The following NDUFAF5 variants were observed in gnomAD, a reference collection of about 807,000 sequenced individuals.
NDUFAF5 encodes NADH:ubiquinone oxidoreductase complex assembly factor 5.
In NDUFAF5, 34 loss-of-function variants were observed where a neutral mutation model predicts 48.9. That is an observed-to-expected ratio of 0.70 (90% confidence interval 0.53 to 0.93). The LOEUF (loss-of-function observed/expected upper bound fraction) is 0.93. Among genes scored for constraint, NDUFAF5 ranks in the 40% least tolerant of loss-of-function variants. The pLI is 0.00. For synonymous variants in NDUFAF5, 153 were observed against 150.6 expected (o/e 1.02, Z -0.12); for missense variants, 428 against 427.5 (o/e 1.00, Z -0.01).
At chr20:13,816,839 C>A (rs151070257) in intron 9 of NDUFAF5, 36 bp from the exon 10 acceptor site, 2 of 1,465,826 alleles carry the variant, frequency 1.4e-6, no homozygotes, top group Non-Finnish European at 1.9e-6. Context: ...TTCCTACTTG[C>A]ATTTTTTCAG....
chr20:13,793,347 T>C (rs1252247332), intron 4 of NDUFAF5, 120 bp downstream of exon 4: 3 of 893,562 alleles, frequency 3.4e-6, no homozygotes, highest in East Asian at 5.2e-5. Context: ...AAGGAACTCA[T>C]ACAGGAAATA....
chr20:13,811,770 T>TG (rs1661776608), intron 8 of NDUFAF5, among the ~76,000 whole-genome samples: 1 of 152,184 alleles, frequency 6.6e-6, no homozygotes, highest in African/African-American at 2.4e-5. Flanking sequence ...AGCTTCAACT[T>TG]GCGTCCTTTG....
intron 8 of NDUFAF5, 25 bp from the exon 9 acceptor site, chr20:13,816,438 C>T: frequency 6.4e-7 from 1 of 1,568,984 alleles, no homozygotes; most frequent in Non-Finnish European, 8.8e-7. Flanking sequence ...TGTATTATCT[C>T]AAACTACCTG....
chr20:13,785,458 T>C (rs1186602995), intron 1 of NDUFAF5, among the ~76,000 whole-genome samples, 168 bp downstream of exon 1: 1 of 152,220 alleles, frequency 6.6e-6, no homozygotes, highest in Non-Finnish European at 1.5e-5. Context: ...TGGCCTCGGA[T>C]ATTTGTAACA....
In NDUFAF5 at chr20:13,791,216, G is replaced by A. The variant is rs144653714; in HGVS notation, c.328-1964G>A. On this transcript the variant is annotated intron_variant, in intron 3 of 10. Coordinates refer to ENST00000378106, the MANE Select transcript of NDUFAF5 (RefSeq NM_024120.5). ...TAGCTGGCAGGTAGTTGGAAATGTG[G>A]AACTGGAATTGGGATATTGAGGTTA... Among the ~76,000 whole-genome samples, 148 of 152,308 alleles carry A rather than the reference G, an allele frequency of 9.7e-4. 1 individual carries two copies. Among genetic ancestry groups the A allele is most frequent in the African/African-American group, 3.1e-3 (130 of 41,574 alleles).
At chr20:13,785,338 T>A (rs754739197) in intron 1 of NDUFAF5, 48 bp downstream of exon 1, 2 of 1,300,560 alleles carry the variant, frequency 1.5e-6, no homozygotes, top group South Asian at 2.5e-5. Flanking sequence ...CGCGGAGGCT[T>A]GTTTTCCTCT....
chr20:13,795,045 C>G (rs1982975361), intron 5 of NDUFAF5, 104 bp downstream of exon 5: 1 of 782,152 alleles, frequency 1.3e-6, no homozygotes, highest in Admixed American at 2.0e-5. Flanking sequence ...GTAATGCTAG[C>G]ACTTTGGGAG....
At chr20:13,792,087 C>G (rs548369806) in intron 3 of NDUFAF5, among the ~76,000 whole-genome samples, 1 of 152,210 alleles carries the variant, frequency 6.6e-6, no homozygotes, top group Non-Finnish European at 1.5e-5. Context: ...TCTTCCAACT[C>G]CAGGGACCTC....
Position 13,820,897 on chromosome 20 carries a change from T to C in NDUFAF5, c.*3687T>C, listed in dbSNP as rs1348191914. 6.6e-6 allele frequency: 1 copy of C among 152,154 alleles called. No homozygotes were observed. The highest frequency in any genetic ancestry group is 1.5e-5 in the Non-Finnish European group (1 of 68,032). The allele number at this position is 152,154 out of a possible 1,614,324, so 9.4% of individuals were successfully genotyped here. On this transcript the variant is annotated 3_prime_UTR_variant, in exon 11 of 11. Coordinates refer to ENST00000378106, the MANE Select transcript of NDUFAF5 (RefSeq NM_024120.5). ...ATTAGCCTCTCTTGCTTAAGAAATATTTTGAGCTTTTTTGGGGAGGGGTTG... is the reference window on the plus strand; with the variant it reads ...ATTAGCCTCTCTTGCTTAAGAAATACTTTGAGCTTTTTTGGGGAGGGGTTG...
At chr20:13,795,450 TAACTCATTCTGGACAAATTCTGGACA>T (rs945271674) in intron 5 of NDUFAF5, among the ~76,000 whole-genome samples, 25 of 152,176 alleles carry the variant, frequency 1.6e-4, no homozygotes, top group African/African-American at 5.6e-4. Context: ...CCAACAATCA[TAACTCATTCTGGACAAATTCTGGACA>T]AACTCATTCT....
chr20:13,785,537 C>T (rs1980902196), intron 1 of NDUFAF5, among the ~76,000 whole-genome samples: 1 of 152,178 alleles, frequency 6.6e-6, no homozygotes, highest in Non-Finnish European at 1.5e-5. Context: ...TAGAGGCCTC[C>T]AGTGAAGCTC....
chr20:13,789,287 C>T (rs1056841062), intron 3 of NDUFAF5, among the ~76,000 whole-genome samples: 1 of 151,840 alleles, frequency 6.6e-6, no homozygotes, highest in Non-Finnish European at 1.5e-5. Context: ...GCCGCAGCCT[C>T]CCAAGTAGCT....
Position 13,812,231 on chromosome 20 carries a change from C to T in NDUFAF5, c.778+3329C>T, listed in dbSNP as rs149091152. On this transcript the variant is annotated intron_variant, in intron 8 of 10. Transcript: ENST00000378106. ...TGTGGAGCTTCTGTCACTCTGCAAA[C>T]GGAAAGATGCGTAGCTGAAATCTTA... Among the ~76,000 whole-genome samples, 41 of 152,266 alleles carry T rather than the reference C, an allele frequency of 2.7e-4. 1 individual carries two copies. In the East Asian group the frequency reaches 7.4e-3, roughly 27 times the overall value.
At chr20:13,813,854 A>G (rs935282978) in intron 8 of NDUFAF5, among the ~76,000 whole-genome samples, 1 of 152,182 alleles carries the variant, frequency 6.6e-6, no homozygotes, top group Non-Finnish European at 1.5e-5. Flanking sequence ...TTCCTTGAGT[A>G]TATAGAACGG....
At chr20:13,797,704 C>A (rs1216502322) in intron 5 of NDUFAF5, among the ~76,000 whole-genome samples, 1 of 152,026 alleles carries the variant, frequency 6.6e-6, no homozygotes, top group Non-Finnish European at 1.5e-5. Flanking sequence ...ATATACAACA[C>A]CAAAAGTGAA....
chr20:13,785,298 C>CGCGGGGCGGCTGGGCG lies in NDUFAF5; in HGVS notation c.222+18_222+19insTGGGCGGCGGGGCGGC. On this transcript the variant is annotated intron_variant, in intron 1 of 10. Coordinates refer to ENST00000378106, the MANE Select transcript of NDUFAF5 (RefSeq NM_024120.5). ...GACTACCTGAAGGAGGAGGTGAGCC[C>CGCGGGGCGGCTGGGCG]GCGGGGCGGCGGGGCGGCGGGGCGG... 1 of 1,040,674 alleles carries CGCGGGGCGGCTGGGCG rather than the reference C, an allele frequency of 9.6e-7. No individual in the cohort carries two copies. Among genetic ancestry groups the CGCGGGGCGGCTGGGCG allele is most frequent in the Non-Finnish European group, 1.4e-6 (1 of 725,830 alleles). 64.5% of individuals were successfully genotyped at this position (1,040,674 alleles called of 1,614,324 possible). A position where few individuals can be genotyped will look rare whatever the true frequency, so the allele number is the denominator to read the frequency against.
chr20:13,798,313 A>G, intron 5 of NDUFAF5, 148 bp from the exon 6 acceptor site: 1 of 685,730 alleles, frequency 1.5e-6, no homozygotes. Flanking sequence ...TAATTTTAAA[A>G]CCTGTATGAA....
At chr20:13,812,716 C>G (rs1479574256) in intron 8 of NDUFAF5, among the ~76,000 whole-genome samples, 4 of 152,164 alleles carry the variant, frequency 2.6e-5, no homozygotes, top group African/African-American at 9.7e-5. Context: ...TGTCCATGGT[C>G]ACACTGAATC....
At chr20:13,802,515 A>C (rs930535108) in intron 7 of NDUFAF5, among the ~76,000 whole-genome samples, 5 of 152,016 alleles carry the variant, frequency 3.3e-5, no homozygotes, top group African/African-American at 1.2e-4. Context: ...CTAAAAATAC[A>C]AAAAATCAGC....
Sources: gnomAD v4.1 joint callset for allele counts (sites outside exome capture counted in the v4.1 genomes callset) on GRCh38, gnomAD v4.1.1 for gene constraint, MANE v1.5 for transcripts, NCBI Gene and HGNC (gene_info 2026-07-23, HGNC 2026-07-21) for gene names.